CYTH1: variants seen among roughly 807,000 people sequenced by gnomAD.
CYTH1 encodes the protein cytohesin 1.
CYTH1 carries 18 observed loss-of-function variants against 61.8 expected under a neutral mutation model. The observed-to-expected ratio is 0.29, with a 90% confidence interval of 0.20 to 0.43. The LOEUF (loss-of-function observed/expected upper bound fraction) is 0.43, where lower values mean the gene tolerates loss of function less well. Among genes scored for constraint, CYTH1 ranks in the 20% least tolerant of loss-of-function variants. The pLI, the probability that CYTH1 is intolerant of heterozygous loss-of-function variation, is 1.00. For synonymous variants in CYTH1, 174 were observed against 184.3 expected (o/e 0.94, Z 0.45); for missense variants, 336 against 510.5 (o/e 0.66, Z 3.29).
In CYTH1 at chr17:78,701,685, G is replaced by A. The variant is rs146045013; in HGVS notation, c.423C>T (p.Leu141=). 1.4e-5 allele frequency: 23 copies of A among 1,614,054 alleles called. No individual in the cohort carries two copies. Among genetic ancestry groups the A allele is most frequent in the Non-Finnish European group, 1.9e-5 (23 of 1,180,040 alleles). ...AGAATACTCACCGTAGTGCCTGGAC[G>A]AGATTAAGATCAGTGAACTCATGCA... ...VELHEFTDLN[L]VQALRQFLWS... is the part of the protein sequence containing the mutation. The change falls in exon 6 of 14, where the codon CTC becomes CTT. Residue 141 remains leucine (L), a synonymous_variant. Transcript: ENST00000446868.
chr17:78,760,532 CATACATATATATGTATAT>C (rs2093423434), intron 1 of CYTH1, among the ~76,000 whole-genome samples: 1 of 41,964 alleles, frequency 2.4e-5, no homozygotes, highest in South Asian at 7.0e-4. Flanking sequence ...TATATATATA[CATACATATATATGTATAT>C]ATATATGTAT....
intron 1 of CYTH1, among the ~76,000 whole-genome samples, chr17:78,735,431 T>C (rs1337105878): frequency 6.6e-6 from 1 of 152,226 alleles, no homozygotes; most frequent in African/African-American, 2.4e-5. Context: ...CCTTTGGAAC[T>C]AGATCTTGGC....
intron 1 of CYTH1, among the ~76,000 whole-genome samples, chr17:78,719,738 A>G (rs2093212045): frequency 6.6e-6 from 1 of 152,224 alleles, no homozygotes; most frequent in Non-Finnish European, 1.5e-5. Flanking sequence ...GATAAATGTT[A>G]GGATCAGAGG....
At chr17:78,697,967 C>T (rs1309484437) in intron 9 of CYTH1, among the ~76,000 whole-genome samples, 2 of 152,172 alleles carry the variant, frequency 1.3e-5, no homozygotes, top group African/African-American at 2.4e-5. Context: ...CCCCAGTAGT[C>T]TCTGTGTCCC....
At chr17:78,688,549 C>A (rs777469152) in intron 11 of CYTH1, among the ~76,000 whole-genome samples, 2 of 152,222 alleles carry the variant, frequency 1.3e-5, no homozygotes, top group Admixed American at 1.3e-4. Context: ...AAGCGCATGA[C>A]AAATGTCCTT....
rs138302876 is a variant in CYTH1, at chr17:78,717,796, G to C, written c.23-8064C>G. On this transcript the variant is annotated intron_variant, in intron 1 of 13. Transcript: ENST00000446868. The surrounding 1 kb of genome is among the most constrained non-coding windows in gnomAD (Gnocchi z 4.4). Reference sequence around the variant, plus strand: ...CAGGACCACACTGTCCTAAATCCCCGTGGGTACCGTCAAATGAACGTGTCC... The same window carrying C: ...CAGGACCACACTGTCCTAAATCCCCCTGGGTACCGTCAAATGAACGTGTCC... Among the ~76,000 whole-genome samples, 94 of 152,248 alleles carry C rather than the reference G, an allele frequency of 6.2e-4. No individual in the cohort carries two copies. Among genetic ancestry groups the C allele is most frequent in the African/African-American group, 2.1e-3 (86 of 41,544 alleles).
At chr17:78,707,338 G>A (rs1598859045) in intron 3 of CYTH1, among the ~76,000 whole-genome samples, 1 of 151,910 alleles carries the variant, frequency 6.6e-6, no homozygotes. Flanking sequence ...AACGGTCTGG[G>A]AACCCCATTC....
rs547972492 is a variant in CYTH1 at position 78,751,901 on chromosome 17, T to C, written c.22+30301A>G. Among the ~76,000 whole-genome samples, 4 of 152,036 alleles carry C rather than the reference T, an allele frequency of 2.6e-5. No homozygotes were observed. The South Asian group carries it at 8.3e-4, about 32-fold the overall frequency. Reference sequence around the variant, plus strand: ...CTCGGCTCACTGCAAACCCGGCTAATTGTTTTGTATTTTTAGTAGAGACAG... The same window carrying C: ...CTCGGCTCACTGCAAACCCGGCTAACTGTTTTGTATTTTTAGTAGAGACAG... On this transcript the variant is annotated intron_variant, in intron 1 of 13. Coordinates refer to ENST00000446868, the MANE Select transcript of CYTH1 (RefSeq NM_004762.6).
chr17:78,747,311 G>A (rs749223306), intron 1 of CYTH1, among the ~76,000 whole-genome samples: 4 of 152,084 alleles, frequency 2.6e-5, no homozygotes, highest in Non-Finnish European at 5.9e-5. Flanking sequence ...TGACTTTTAA[G>A]AAAATGCACA....
intron 1 of CYTH1, among the ~76,000 whole-genome samples, chr17:78,764,338 G>C (rs973689745): frequency 2.0e-5 from 3 of 150,806 alleles, no homozygotes; most frequent in African/African-American, 7.3e-5. Context: ...CTGGGACTAC[G>C]GGCGCACCCC....
At chr17:78,683,072 T>C (rs185862878) in intron 11 of CYTH1, among the ~76,000 whole-genome samples, 105 of 152,388 alleles carry the variant, frequency 6.9e-4, no homozygotes, top group South Asian at 2.5e-3. Flanking sequence ...ATTTTCTTAA[T>C]GCTTTTCTTC....
intron 11 of CYTH1, among the ~76,000 whole-genome samples, chr17:78,690,693 C>T (rs1021401451): frequency 2.6e-5 from 4 of 151,382 alleles, no homozygotes; most frequent in Admixed American, 6.6e-5. Context: ...AGCGAGACTC[C>T]GTCTCAAAAA....
intron 1 of CYTH1, among the ~76,000 whole-genome samples, chr17:78,762,478 C>A (rs1199684597): frequency 6.6e-6 from 1 of 152,148 alleles, no homozygotes; most frequent in African/African-American, 2.4e-5. Flanking sequence ...AAGAAACATT[C>A]CATGGGCAAA....
intron 1 of CYTH1, among the ~76,000 whole-genome samples, chr17:78,770,287 C>T (rs146153976): frequency 0.016 from 2,197 of 139,868 alleles, 57 homozygotes; most frequent in African/African-American, 0.056. Context: ...TGTGCCACTG[C>T]ACTCCAGCCT....
rs76790248 is a variant in CYTH1 at position 78,716,200 on chromosome 17, G to C, written c.23-6468C>G. Among the ~76,000 whole-genome samples the C allele has an allele frequency of 6.1e-3, 930 of 152,248 alleles. 45 individuals are homozygous for C. In the East Asian group the frequency reaches 0.12, roughly 19 times the overall value. On this transcript the variant is annotated intron_variant, in intron 1 of 13. Transcript: ENST00000446868. ...AAAATAATCACCAATTTAAGAACTT[G>C]GCAGCACCCACTAGAAGACCTAAAA...
intron 1 of CYTH1, among the ~76,000 whole-genome samples, chr17:78,761,288 T>C (rs1456087192): frequency 1.3e-5 from 2 of 152,206 alleles, no homozygotes; most frequent in East Asian, 1.9e-4. Flanking sequence ...GGGGAACTAA[T>C]TCTCACAGGA....
intron 5 of CYTH1, 56 bp downstream of exon 5, chr17:78,702,066 T>C: frequency 7.1e-7 from 1 of 1,400,192 alleles, no homozygotes; most frequent in African/African-American, 1.4e-5. Flanking sequence ...AGTTTGTTTC[T>C]TTGTGTCGTT....
Position 78,717,506 on chromosome 17 carries a change from TG to T in CYTH1, c.23-7775del, listed in dbSNP as rs1442570927. Among the ~76,000 whole-genome samples, 4 of 152,192 alleles carry T rather than the reference TG, an allele frequency of 2.6e-5. No homozygotes were observed. The highest frequency in any genetic ancestry group is 4.8e-5 in the African/African-American group (2 of 41,440). ...TTCATTTATTTATTTATTTAAATGT[TG>T]CTTTGCAGATTTTAACAGTCGGCAG... On this transcript the variant is annotated intron_variant, in intron 1 of 13. Coordinates refer to ENST00000446868, the MANE Select transcript of CYTH1 (RefSeq NM_004762.6). The surrounding 1 kb of genome is among the most constrained non-coding windows in gnomAD (Gnocchi z 4.4).
chr17:78,776,307 T>C (rs1380052437), intron 1 of CYTH1, among the ~76,000 whole-genome samples: 5 of 152,128 alleles, frequency 3.3e-5, no homozygotes, highest in Non-Finnish European at 7.3e-5. Context: ...AAGTGCATTA[T>C]ATGTGGTTTT....
Sources: allele counts gnomAD v4.1 joint callset (sites outside exome capture counted in the v4.1 genomes callset), GRCh38; gene constraint gnomAD v4.1.1; non-coding constraint Gnocchi (gnomAD v3.1); transcripts MANE v1.5; gene names NCBI Gene and HGNC (gene_info 2026-07-23, HGNC 2026-07-21).